Variants in YY1 observed in about 807,000 individuals in gnomAD.
YY1 encodes YY1 transcription factor, also known as transcriptional repressor protein YY1.
In YY1, 2 loss-of-function variants were observed where a neutral mutation model predicts 35.6. The observed-to-expected ratio is 0.06, with a 90% CI of 0.02 to 0.18. YY1 has a LOEUF of 0.18. Ranked by LOEUF, YY1 falls within the 10% of genes least tolerant of loss-of-function variation. YY1 has a pLI of 1.00. For synonymous variants in YY1, 268 were observed against 238.9 expected (o/e 1.12, Z -1.12); for missense variants, 322 against 573.4 (o/e 0.56, Z 4.48).
chr14:100,239,382 G>GGAC lies in YY1; in HGVS notation c.140_141insCGA (p.Glu46_Glu47insAsp). Reference sequence around the variant, plus strand: ...CCACAGTGGTGGGCGAGGAGGAGGAGGAGGACGACGACGACGAGGACGGCG... The same window carrying GGAC: ...CCACAGTGGTGGGCGAGGAGGAGGAGGACGAGGACGACGACGACGAGGACGGCG... On this transcript the variant is annotated inframe_insertion, in exon 1 of 5. Coordinates refer to ENST00000262238, the MANE Select transcript of YY1 (RefSeq NM_003403.5). 7 of 1,600,970 alleles carry GGAC rather than the reference G, an allele frequency of 4.4e-6. No individual in the cohort carries two copies. Among genetic ancestry groups the GGAC allele is most frequent in the Non-Finnish European group, 6.0e-6 (7 of 1,174,586 alleles).
In YY1 at chr14:100,277,793, A is replaced by T; in HGVS notation, c.*193A>T. 1.6e-6 allele frequency: 1 copy of T among 638,914 alleles called. No individual in the cohort carries two copies. The highest frequency in any genetic ancestry group is 2.0e-5 in the South Asian group (1 of 49,692). 39.6% of individuals were successfully genotyped at this position (638,914 alleles called of 1,614,324 possible). A position where few individuals can be genotyped will look rare whatever the true frequency, so the allele number is the denominator to read the frequency against. ...ACTTTACTAAGATGACATTGCTAAG[A>T]TGCTCTATCTTGCTCTGTAATCTCG... On this transcript the variant is annotated 3_prime_UTR_variant, in exon 5 of 5. Coordinates refer to ENST00000262238, the MANE Select transcript of YY1 (RefSeq NM_003403.5). This position sits in a 1 kb window ranked among gnomAD's most constrained non-coding sequence, Gnocchi z 5.6.
intron 2 of YY1, among the ~76,000 whole-genome samples, chr14:100,272,089 G>A (rs980878834): frequency 6.6e-6 from 1 of 151,934 alleles, no homozygotes; most frequent in African/African-American, 2.4e-5. Context: ...GAGGTCAGGA[G>A]ATCAAGACCA....
chr14:100,275,672 A>C (rs1425975053), intron 3 of YY1: 2 of 152,182 alleles, frequency 1.3e-5, no homozygotes, highest in African/African-American at 4.8e-5. Flanking sequence ...CATTTTCTAA[A>C]TGGAAATTCA....
At chr14:100,244,738 A>AT (rs1245951269) in intron 1 of YY1, among the ~76,000 whole-genome samples, 1 of 150,036 alleles carries the variant, frequency 6.7e-6, no homozygotes, top group East Asian at 2.0e-4. Flanking sequence ...TAATGTTTTA[A>AT]TTTTTTAGGC....
At position 100,282,124 on chromosome 14, in the gene YY1, G is replaced by A. The variant is rs1281128856; in HGVS notation, c.*4524G>A. On this transcript the variant is annotated 3_prime_UTR_variant, in exon 5 of 5. Coordinates refer to ENST00000262238, the MANE Select transcript of YY1 (RefSeq NM_003403.5). ...CGTAAGGTGGGAGGTGACACATGGA[G>A]AGCTTCGTCCTGGCCGAGCAGGCAC... 1 of 152,248 alleles carries A rather than the reference G, an allele frequency of 6.6e-6. No individual in the cohort carries two copies. Among genetic ancestry groups the A allele is most frequent in the Non-Finnish European group, 1.5e-5 (1 of 68,060 alleles). The allele number at this position is 152,248 out of a possible 1,614,324, so 9.4% of individuals were successfully genotyped here.
chr14:100,240,083 C>T (rs1043533682), intron 1 of YY1, among the ~76,000 whole-genome samples, 160 bp downstream of exon 1: 83 of 144,258 alleles, frequency 5.8e-4, no homozygotes, highest in African/African-American at 2.0e-3. Flanking sequence ...GCGGCGGCGG[C>T]GGGCGGCGGG....
chr14:100,239,210 A>C lies in YY1; in HGVS notation c.-35A>C, dbSNP rs1338196460. The C allele has an allele frequency of 7.6e-6, 11 of 1,443,710 alleles. No homozygotes were observed. Among genetic ancestry groups the C allele is most frequent in the Non-Finnish European group, 1.0e-5 (11 of 1,103,732 alleles). 89.4% of individuals were successfully genotyped at this position (1,443,710 alleles called of 1,614,324 possible). A position where few individuals can be genotyped will look rare whatever the true frequency, so the allele number is the denominator to read the frequency against. ...CCGCCCGCCCGCAGCCGAGGAGCCGAGGCCGCCGCGGCCGTGGCGGCGGAG... is the reference window on the plus strand; with the variant it reads ...CCGCCCGCCCGCAGCCGAGGAGCCGCGGCCGCCGCGGCCGTGGCGGCGGAG... On this transcript the variant is annotated 5_prime_UTR_variant, in exon 1 of 5. Coordinates refer to ENST00000262238, the MANE Select transcript of YY1 (RefSeq NM_003403.5).
At chr14:100,269,933 G>A (rs1195782963) in intron 2 of YY1, among the ~76,000 whole-genome samples, 1 of 152,000 alleles carries the variant, frequency 6.6e-6, no homozygotes, top group Non-Finnish European at 1.5e-5. Context: ...TTACTTTGGG[G>A]GCGTATTTGA....
intron 1 of YY1, among the ~76,000 whole-genome samples, chr14:100,250,679 A>G (rs1890911353): frequency 6.6e-6 from 1 of 152,136 alleles, no homozygotes; most frequent in Non-Finnish European, 1.5e-5. Flanking sequence ...TTTTCAGCCA[A>G]TGTGACAAAT....
chr14:100,270,498 C>G (rs968837323), intron 2 of YY1, among the ~76,000 whole-genome samples: 143 of 150,496 alleles, frequency 9.5e-4, no homozygotes, highest in African/African-American at 3.3e-3. Context: ...TGGCACGCGC[C>G]TGTAATCCCA....
intron 2 of YY1, among the ~76,000 whole-genome samples, chr14:100,269,082 A>G (rs1891196206): frequency 6.6e-6 from 1 of 152,190 alleles, no homozygotes; most frequent in South Asian, 2.1e-4. Context: ...TCTATTTGAC[A>G]GGAAACTTGA....
Position 100,278,924 on chromosome 14 carries a change from TGTG to T in YY1, c.*1327_*1329del, listed in dbSNP as rs1266744401. ...CTTGGCTTGTCTGACAGGAAATGCT[TGTG>T]GTCGTTGGTTATTTGGTTTGAGAGC... On this transcript the variant is annotated 3_prime_UTR_variant, in exon 5 of 5. Transcript: ENST00000262238. 2.6e-5 allele frequency: 4 copies of T among 152,258 alleles called. No individual in the cohort carries two copies. Among genetic ancestry groups the T allele is most frequent in the African/African-American group, 9.6e-5 (4 of 41,466 alleles). The allele number at this position is 152,258 out of a possible 1,614,324, so 9.4% of individuals were successfully genotyped here.
Position 100,277,555 on chromosome 14 carries a change from G to A in YY1, c.1200G>A (p.Leu400=). 6.2e-7 allele frequency: 1 copy of A among 1,614,198 alleles called. No individual in the cohort carries two copies. Among genetic ancestry groups the A allele is most frequent in the Non-Finnish European group, 8.5e-7 (1 of 1,180,044 alleles). The change falls in exon 5 of 5, where the codon CTG becomes CTA. Residue 400 remains leucine, a synonymous_variant. Transcript: ENST00000262238. The surrounding 1 kb of genome is among the most constrained non-coding windows in gnomAD (Gnocchi z 5.6). Reference sequence around the variant, plus strand: ...AGAAGTTTGCTCAGTCAACTAACCTGAAATCTCACATCTTAACACATGCTA... The same window carrying A: ...AGAAGTTTGCTCAGTCAACTAACCTAAAATCTCACATCTTAACACATGCTA... ...CNKKFAQSTN[L]KSHILTHAKA... is the part of the protein sequence containing the mutation.
intron 2 of YY1, among the ~76,000 whole-genome samples, chr14:100,272,656 T>C (rs976255144): frequency 3.9e-5 from 6 of 152,082 alleles, no homozygotes; most frequent in African/African-American, 9.7e-5. Context: ...TTTTCGACTT[T>C]GACTTTTTAA....
chr14:100,276,353 C>T lies in YY1; in HGVS notation c.904-137C>T, dbSNP rs1891317735. On this transcript the variant is annotated intron_variant, in intron 3 of 4. Transcript: ENST00000262238. This position sits in a 1 kb window ranked among gnomAD's most constrained non-coding sequence, Gnocchi z 4.1. ...TGTCTTAAATGATATTAATGTTCTA[C>T]CGTAATACTAAGTAAAATTAAAATG... 2 of 1,170,664 alleles carry T rather than the reference C, an allele frequency of 1.7e-6. No homozygotes were observed. The highest frequency in any genetic ancestry group is 2.5e-6 in the Non-Finnish European group (2 of 810,138). 72.5% of individuals were successfully genotyped at this position (1,170,664 alleles called of 1,614,324 possible).
intron 1 of YY1, among the ~76,000 whole-genome samples, chr14:100,255,543 A>G (rs1743745531): frequency 6.6e-6 from 1 of 152,142 alleles, no homozygotes. Flanking sequence ...CACTTGAACC[A>G]GGGAGGCAGA....
rs977830288 is a variant in YY1 at position 100,254,672 on chromosome 14, G to A, written c.680-7632G>A. Among the ~76,000 whole-genome samples the A allele has an allele frequency of 2.6e-5, 4 of 152,202 alleles. No individual in the cohort carries two copies. In the East Asian group the frequency reaches 7.7e-4, roughly 29 times the overall value. On this transcript the variant is annotated intron_variant, in intron 1 of 4. Coordinates refer to ENST00000262238, the MANE Select transcript of YY1 (RefSeq NM_003403.5). ...GATTTTTGCCATGTTGGCCGGGCTG[G>A]TCTCGAACTCCTGACCTTAGGTGAT...
At chr14:100,250,224 C>G (rs1157373584) in intron 1 of YY1, among the ~76,000 whole-genome samples, 1 of 152,118 alleles carries the variant, frequency 6.6e-6, no homozygotes, top group African/African-American at 2.4e-5. Flanking sequence ...GGATAGTATC[C>G]TTTCTTAAGG....
intron 1 of YY1, among the ~76,000 whole-genome samples, chr14:100,246,218 G>A (rs961647514): frequency 4.6e-5 from 7 of 152,216 alleles, no homozygotes; most frequent in African/African-American, 1.7e-4. Context: ...CATGGGTTTT[G>A]TGAGGTGAGG....
Sources: allele counts gnomAD v4.1 joint callset (sites outside exome capture counted in the v4.1 genomes callset), GRCh38; gene constraint gnomAD v4.1.1; non-coding constraint Gnocchi (gnomAD v3.1); transcripts MANE v1.5; gene names NCBI Gene and HGNC (gene_info 2026-07-23, HGNC 2026-07-21).